The following GALK1 variants were observed in gnomAD, a reference collection of about 807,000 sequenced individuals.
GALK1 encodes the protein galactokinase 1.
A neutral mutation model predicts 38.6 loss-of-function variants in GALK1; 30 were observed. The ratio of observed to expected loss-of-function variants is 0.78; its 90% CI spans 0.58 to 1.05. The LOEUF (loss-of-function observed/expected upper bound fraction) is 1.05, where lower values mean the gene tolerates loss of function less well. Among genes scored for constraint, GALK1 ranks in the 50% least tolerant of loss-of-function variants. GALK1 has a pLI of 0.00. For synonymous variants in GALK1, 240 were observed against 233.6 expected (o/e 1.03, Z -0.25); for missense variants, 512 against 540.5 (o/e 0.95, Z 0.52).
In GALK1 at chr17:75,762,886, C is replaced by G; in HGVS notation, c.612-1G>C. On this transcript the variant is annotated splice_acceptor_variant, in intron 4 of 7. Transcript: ENST00000588479. LOFTEE classifies it high-confidence loss of function. Reference sequence around the variant, plus strand: ...TGGCACCAGGCTGGTCTCCAAGGACCTGGGGTGGAGTTACAATGGGGGAGA... The same window carrying G: ...TGGCACCAGGCTGGTCTCCAAGGACGTGGGGTGGAGTTACAATGGGGGAGA... 6.2e-7 allele frequency: 1 copy of G among 1,613,256 alleles called. No homozygotes were observed.
downstream of GALK1, chr17:75,756,753 C>T: frequency 6.2e-7 from 1 of 1,613,060 alleles, no homozygotes; most frequent in Non-Finnish European, 8.5e-7. Context: ...CGCTGGTGTT[C>T]ACTGCCCTGA....
chr17:75,752,362 T>C, intron 8 of GALK1: 1 of 1,611,360 alleles, frequency 6.2e-7, no homozygotes, highest in Non-Finnish European at 8.5e-7. Flanking sequence ...GTCCAGTGAG[T>C]GGTGGGCAGG....
downstream of GALK1, chr17:75,755,640 G>A: frequency 6.2e-7 from 1 of 1,605,230 alleles, no homozygotes; most frequent in Admixed American, 1.7e-5. Flanking sequence ...GGGCAGCACT[G>A]TGACTCCCAC....
intron 1 of GALK1, 49 bp downstream of exon 1, chr17:75,764,923 G>A: frequency 6.3e-7 from 1 of 1,579,172 alleles, no homozygotes. Context: ...CCTCCTCGGC[G>A]GCCGGGACAG....
chr17:75,758,626 C>T (rs771863468), intron 5 of GALK1, 27 bp from the exon 6 acceptor site: 28 of 1,571,174 alleles, frequency 1.8e-5, no homozygotes, highest in Non-Finnish European at 2.1e-5. Context: ...AGTCAGCAGC[C>T]GCCTTCTCAC....
At chr17:75,756,335 A>G, downstream of GALK1, 2 of 1,400,568 alleles carry the variant, frequency 1.4e-6, no homozygotes, top group Non-Finnish European at 2.0e-6. Flanking sequence ...GGTGGGTGAT[A>G]ACTAGGTCTC....
At chr17:75,756,144 T>C (rs1167083824), downstream of GALK1, among the ~76,000 whole-genome samples, 1 of 152,168 alleles carries the variant, frequency 6.6e-6, no homozygotes, top group Admixed American at 6.5e-5. Context: ...CTGAGATGCC[T>C]TTGGGGGAAC....
chr17:75,755,922 A>T, downstream of GALK1: 1 of 1,534,934 alleles, frequency 6.5e-7, no homozygotes, highest in Non-Finnish European at 8.8e-7. Context: ...CACATAGGGT[A>T]CCTCAGCTGT....
chr17:75,761,128 G>A (rs1357672828), intron 5 of GALK1, among the ~76,000 whole-genome samples: 1 of 151,692 alleles, frequency 6.6e-6, no homozygotes, highest in Non-Finnish European at 1.5e-5. Context: ...CTTGAACCTG[G>A]GAGGCAGAGG....
intron 1 of GALK1, 48 bp downstream of exon 1, chr17:75,764,924 G>A (rs914086622): frequency 9.5e-6 from 15 of 1,580,326 alleles, no homozygotes; most frequent in Middle Eastern, 1.7e-4. Flanking sequence ...CTCCTCGGCG[G>A]CCGGGACAGG....
chr17:75,758,906 CTGCTGAGCCACATGGAGCCTCCAG>C (rs1007425677), intron 5 of GALK1, among the ~76,000 whole-genome samples: 1 of 152,202 alleles, frequency 6.6e-6, no homozygotes, highest in Non-Finnish European at 1.5e-5. Context: ...AGAAGAAGTT[CTGCTGAGCCACATGGAGCCTCCAG>C]GGCTGGGGCT....
chr17:75,758,706 G>A (rs944170106), intron 5 of GALK1, 107 bp from the exon 6 acceptor site: 1 of 1,424,386 alleles, frequency 7.0e-7, no homozygotes, highest in Non-Finnish European at 9.5e-7. Flanking sequence ...GACGGTGAAG[G>A]GTGGAAGGCC....
chr17:75,764,232 G>A, intron 1 of GALK1, 146 bp from the exon 2 acceptor site: 1 of 861,246 alleles, frequency 1.2e-6, no homozygotes, highest in African/African-American at 1.6e-5. Context: ...AGATCCTGAG[G>A]GCCAGCTGAC....
chr17:75,754,268 G>A (rs1449622591), downstream of GALK1, among the ~76,000 whole-genome samples: 1 of 152,188 alleles, frequency 6.6e-6, no homozygotes, highest in Non-Finnish European at 1.5e-5. Context: ...GGACAGGAGG[G>A]AAGGCTTGGG....
downstream of GALK1, chr17:75,756,524 G>C: frequency 1.2e-6 from 2 of 1,613,290 alleles, no homozygotes; most frequent in Non-Finnish European, 1.7e-6. Context: ...CCGCGTGCGG[G>C]CCCAGAGCCA....
chr17:75,755,181 C>T (rs2061467786), downstream of GALK1: 1 of 1,606,890 alleles, frequency 6.2e-7, no homozygotes, highest in Non-Finnish European at 8.5e-7. Flanking sequence ...ATAATCCTGG[C>T]TGGGAGGCCA....
chr17:75,764,330 G>A (rs2061601366), intron 1 of GALK1: 1 of 740,458 alleles, frequency 1.4e-6, no homozygotes, highest in Non-Finnish European at 2.5e-6. Context: ...CCTGAGCTGT[G>A]GGGCAAGGGG....
intron 5 of GALK1, 23 bp downstream of exon 5, chr17:75,762,681 T>G: frequency 6.2e-7 from 1 of 1,613,172 alleles, no homozygotes; most frequent in South Asian, 1.1e-5. Context: ...GCCTCCAGGA[T>G]AGAGCACCCT....
At chr17:75,756,876 G>A (rs763409306), downstream of GALK1, 2 of 1,612,290 alleles carry the variant, frequency 1.2e-6, no homozygotes, top group South Asian at 2.2e-5. Context: ...CCCACCCCGG[G>A]GGCAGGAGTG....
Sources: gnomAD v4.1 joint callset for allele counts (sites outside exome capture counted in the v4.1 genomes callset) on GRCh38, gnomAD v4.1.1 for gene constraint, MANE v1.5 for transcripts, NCBI Gene and HGNC (gene_info 2026-07-23, HGNC 2026-07-21) for gene names.